The following SLCO2B1 variants were observed in gnomAD, a reference collection of about 807,000 sequenced individuals.
The protein encoded by SLCO2B1 is OATP-RP2.
A neutral mutation model predicts 67.3 loss-of-function variants in SLCO2B1; 41 were observed. The ratio of observed to expected loss-of-function variants is 0.61; its 90% confidence interval spans 0.47 to 0.79. SLCO2B1 has a LOEUF of 0.79. Among genes scored for constraint, SLCO2B1 ranks in the 30% least tolerant of loss-of-function variants. The pLI is 0.00. For missense variants in SLCO2B1, 837 were observed against 920.1 expected (o/e 0.91, Z 1.17); for synonymous variants, 379 against 381.4 (o/e 0.99, Z 0.07).
At chr11:75,171,606 A>G (rs1395011685) in intron 6 of SLCO2B1, among the ~76,000 whole-genome samples, 3 of 152,226 alleles carry the variant, frequency 2.0e-5, no homozygotes, top group Non-Finnish European at 4.4e-5. Flanking sequence ...AATTGAAGGA[A>G]AATGTACACA....
At chr11:75,170,955 C>G (rs1414890602) in intron 6 of SLCO2B1, among the ~76,000 whole-genome samples, 3 of 152,224 alleles carry the variant, frequency 2.0e-5, no homozygotes, top group African/African-American at 7.2e-5. Flanking sequence ...TCGAAACTCC[C>G]TTCTCCATGG....
chr11:75,168,278 C>A (rs754405246), intron 4 of SLCO2B1, among the ~76,000 whole-genome samples: 3 of 152,148 alleles, frequency 2.0e-5, no homozygotes, highest in Admixed American at 6.5e-5. Flanking sequence ...CACAGCAAGT[C>A]CCAGGCAGCC....
rs541981780 is a variant in SLCO2B1, at chr11:75,178,107, A to C, written c.972+5538A>C. On this transcript the variant is annotated intron_variant, in intron 7 of 13. Transcript: ENST00000289575. ...AGATTCCATCTCAAAAAAAAAAAAA[A>C]AACAAAAAACAAAACTCCAAACGCA... Among the ~76,000 whole-genome samples the C allele has an allele frequency of 2.6e-4, 40 of 151,974 alleles. No individual in the cohort carries two copies. In the South Asian group the frequency reaches 7.3e-3, roughly 28 times the overall value.
At chr11:75,204,153 G>A in intron 13 of SLCO2B1, 2 of 358,884 alleles carry the variant, frequency 5.6e-6, no homozygotes, top group Non-Finnish European at 9.9e-6. Flanking sequence ...CTTGGGCTCG[G>A]AGAGAGGCAG....
intron 1 of SLCO2B1, among the ~76,000 whole-genome samples, chr11:75,155,773 C>G (rs769407976): frequency 6.6e-5 from 10 of 152,152 alleles, no homozygotes; most frequent in African/African-American, 2.4e-4. Flanking sequence ...AGCCAGGCCT[C>G]GAAAGATAAG....
chr11:75,160,500 C>T lies in SLCO2B1; in HGVS notation c.17-2155C>T, dbSNP rs544846489. ...CCAGACTACAGCAGGAAACCCACTG[C>T]GGCTGGTGAGAGGAGCTGAGGCTCA... On this transcript the variant is annotated intron_variant, in intron 1 of 13. Coordinates refer to ENST00000289575, the MANE Select transcript of SLCO2B1 (RefSeq NM_007256.5). 1.2e-4 allele frequency among the ~76,000 whole-genome samples: 19 copies of T among 152,332 alleles called. 1 individual carries two copies. The highest frequency in any genetic ancestry group is 2.6e-4 in the African/African-American group (11 of 41,576).
chr11:75,193,133 C>A lies in SLCO2B1; in HGVS notation c.1076-85C>A. 1 of 985,888 alleles carries A rather than the reference C, an allele frequency of 1.0e-6. No individual in the cohort carries two copies. The highest frequency in any genetic ancestry group is 1.5e-6 in the Non-Finnish European group (1 of 661,816). 61.1% of individuals were successfully genotyped at this position (985,888 alleles called of 1,614,324 possible). On this transcript the variant is annotated intron_variant, in intron 8 of 13. Coordinates refer to ENST00000289575, the MANE Select transcript of SLCO2B1 (RefSeq NM_007256.5). This position sits in a 1 kb window ranked among gnomAD's most constrained non-coding sequence, Gnocchi z 4.2. ...GGGCGGGTTAGAAGAAATGGAACTG[C>A]TTGAACTGAGCAGGGCAGGAGGGCA...
At chr11:75,157,583 G>C (rs1250705160) in intron 1 of SLCO2B1, among the ~76,000 whole-genome samples, 10 of 152,176 alleles carry the variant, frequency 6.6e-5, no homozygotes, top group Non-Finnish European at 1.2e-4. Context: ...GATGGATCCA[G>C]CTGGGCCCGA....
chr11:75,203,871 A>G (rs1945227024), intron 13 of SLCO2B1: 2 of 168,436 alleles, frequency 1.2e-5, no homozygotes, highest in Admixed American at 6.0e-5. Flanking sequence ...TACAAAGGGG[A>G]ACTCAAAGGA....
Position 75,172,526 on chromosome 11 carries a change from T to A in SLCO2B1, c.929T>A (p.Phe310Tyr), listed in dbSNP as rs759076545. 5.6e-6 allele frequency: 9 copies of A among 1,614,088 alleles called. No individual in the cohort carries two copies. The African/African-American group carries it at 1.2e-4, about 22-fold the overall frequency. The change falls in exon 7 of 14, where the codon TTT becomes TAT. Residue 310 changes from phenylalanine (F) to tyrosine (Y), a missense_variant. Coordinates refer to ENST00000289575, the MANE Select transcript of SLCO2B1 (RefSeq NM_007256.5). Reference protein sequence around the residue: ...EMPKEKRELQFRRKVLAVTDS... With the variant: ...EMPKEKRELQYRRKVLAVTDS... ...CCCAAGGAAAAACGTGAGCTTCAGT[T>A]TCGGCGAAAGGTCTTAGCAGTCACA... is the stretch of plus-strand genomic sequence containing the variant.
At chr11:75,187,361 T>C (rs1356310103) in intron 7 of SLCO2B1, among the ~76,000 whole-genome samples, 1 of 152,168 alleles carries the variant, frequency 6.6e-6, no homozygotes, top group Non-Finnish European at 1.5e-5. Flanking sequence ...AGGGACATAC[T>C]CCAGGGTGTC....
chr11:75,160,711 G>C (rs74666078), intron 1 of SLCO2B1, among the ~76,000 whole-genome samples: 2,960 of 152,230 alleles, frequency 0.019, 97 homozygotes, highest in African/African-American at 0.068. Context: ...TTTATGCCCC[G>C]CAGAGGGACT....
intron 1 of SLCO2B1, among the ~76,000 whole-genome samples, 181 bp downstream of exon 1, chr11:75,151,578 G>T (rs148900144): frequency 5.3e-4 from 81 of 152,290 alleles, no homozygotes; most frequent in African/African-American, 1.9e-3. Flanking sequence ...TGAATGACTG[G>T]AGGAGCAGGA....
intron 7 of SLCO2B1, among the ~76,000 whole-genome samples, chr11:75,185,135 T>C (rs766376509): frequency 3.9e-5 from 6 of 152,086 alleles, no homozygotes; most frequent in Non-Finnish European, 8.8e-5. Context: ...GGAAGCCAGG[T>C]TGGGGAGGCA....
Position 75,169,217 on chromosome 11 carries a change from A to ACCTCGGCCCCAG in SLCO2B1, c.504_515dup (p.Ala169_Pro172dup). 1 of 1,614,014 alleles carries ACCTCGGCCCCAG rather than the reference A, an allele frequency of 6.2e-7. No homozygotes were observed. Among genetic ancestry groups the ACCTCGGCCCCAG allele is most frequent in the Non-Finnish European group, 8.5e-7 (1 of 1,179,956 alleles). ...CAAGGCTTCCCTGTGCCTGCCCACA[A>ACCTCGGCCCCAG]CCTCGGCCCCAGCCTCGGCCCCCTC... On this transcript the variant is annotated inframe_insertion, in exon 5 of 14. Transcript: ENST00000289575.
Position 75,188,245 on chromosome 11 carries a change from C to T in SLCO2B1, c.1075+7C>T. On this transcript the variant is annotated splice_region_variant and intron_variant, in intron 8 of 13. Coordinates refer to ENST00000289575, the MANE Select transcript of SLCO2B1 (RefSeq NM_007256.5). ...GTGATCCAGTTCATTAAAGGTAAGT[C>T]AGCTCAGACCAGGTTATGGGGAGCC... 2 of 1,596,804 alleles carry T rather than the reference C, an allele frequency of 1.3e-6. No individual in the cohort carries two copies. Among genetic ancestry groups the T allele is most frequent in the Non-Finnish European group, 1.7e-6 (2 of 1,164,230 alleles).
chr11:75,189,275 G>A lies in SLCO2B1; in HGVS notation c.1075+1037G>A, dbSNP rs368415831. ...CACTGGATGGCAGGTCAGAAGACTT[G>A]GATTTGAGCCCTGCCCCTAACAGTG... On this transcript the variant is annotated intron_variant, in intron 8 of 13. Coordinates refer to ENST00000289575, the MANE Select transcript of SLCO2B1 (RefSeq NM_007256.5). Among the ~76,000 whole-genome samples, 38 of 152,212 alleles carry A rather than the reference G, an allele frequency of 2.5e-4. 2 individuals carry two copies. In the East Asian group the frequency reaches 6.4e-3, roughly 26 times the overall value.
In SLCO2B1 at chr11:75,163,960, C is replaced by G; in HGVS notation, c.148-3C>G. The G allele has an allele frequency of 1.3e-6, 2 of 1,596,406 alleles. No individual in the cohort carries two copies. The highest frequency in any genetic ancestry group is 1.7e-6 in the Non-Finnish European group (2 of 1,171,796). ...CTCTGCCTGCCTCCGGGTCCCCCCA[C>G]AGCTGTTCGTTCTGTGCCACAGCCT... On this transcript the variant is annotated splice_region_variant and splice_polypyrimidine_tract_variant and intron_variant, in intron 2 of 13. Coordinates refer to ENST00000289575, the MANE Select transcript of SLCO2B1 (RefSeq NM_007256.5).
At chr11:75,202,205 A>G (rs1945192194) in intron 11 of SLCO2B1, 1 of 152,206 alleles carries the variant, frequency 6.6e-6, no homozygotes, top group South Asian at 2.1e-4. Context: ...TCTTGCAAAT[A>G]CCAGAAGACA....
Sources: allele counts gnomAD v4.1 joint callset (sites outside exome capture counted in the v4.1 genomes callset), GRCh38; gene constraint gnomAD v4.1.1; non-coding constraint Gnocchi (gnomAD v3.1); transcripts MANE v1.5; gene names NCBI Gene and HGNC (gene_info 2026-07-23, HGNC 2026-07-21).